Variants in SNTG1 observed in about 807,000 individuals in gnomAD.
The protein encoded by SNTG1 is syntrophin gamma 1.
SNTG1 carries 39 observed loss-of-function variants against 74.7 expected under a neutral mutation model. The ratio of observed to expected loss-of-function variants is 0.52; its 90% CI spans 0.40 to 0.68. The LOEUF is 0.68. Among genes scored for constraint, SNTG1 ranks in the 30% least tolerant of loss-of-function variants. SNTG1 has a pLI of 0.00. For missense variants in SNTG1, 685 were observed against 609.5 expected, an observed-to-expected ratio of 1.12 and a Z score of -1.30; for synonymous variants, 254 against 217.1, an observed-to-expected ratio of 1.17 and a Z score of -1.49.
At chr8:50,088,171 C>A (rs1416255059) in intron 1 of SNTG1, among the ~76,000 whole-genome samples, 9 of 151,578 alleles carry the variant, frequency 5.9e-5, no homozygotes, top group Non-Finnish European at 1.0e-4. Flanking sequence ...TTTCTTAATC[C>A]AGTGTATCAT....
At chr8:50,763,648 T>TTGTGTGTGTA (rs2095605320) in intron 18 of SNTG1, among the ~76,000 whole-genome samples, 1 of 117,096 alleles carries the variant, frequency 8.5e-6, no homozygotes, top group African/African-American at 3.3e-5. Context: ...ATTGCCTTTA[T>TTGTGTGTGTA]TGTGTGTGTG....
chr8:50,504,069 C>T (rs2093986312), intron 9 of SNTG1, among the ~76,000 whole-genome samples: 1 of 152,134 alleles, frequency 6.6e-6, no homozygotes, highest in South Asian at 2.1e-4. Context: ...ATAGCTCTCA[C>T]TTGTAAGTGA....
At position 50,271,253 on chromosome 8, in the gene SNTG1, T is replaced by A. The variant is rs558070844; in HGVS notation, c.-28+98618T>A. Among the ~76,000 whole-genome samples, 6 of 152,268 alleles carry A rather than the reference T, an allele frequency of 3.9e-5. No homozygotes were observed. In the East Asian group the frequency reaches 1.2e-3, roughly 29 times the overall value. On this transcript the variant is annotated intron_variant, in intron 2 of 18. Transcript: ENST00000642720. ...AAGATCCATTATTATGCCAACAAAT[T>A]TCGTGTAAGAATAATGATAGTGACA...
At chr8:50,160,964 G>C (rs1228047987) in intron 1 of SNTG1, among the ~76,000 whole-genome samples, 1 of 152,168 alleles carries the variant, frequency 6.6e-6, no homozygotes, top group Non-Finnish European at 1.5e-5. Context: ...CCACCAATGA[G>C]AGGGACCACT....
At chr8:50,761,803 G>C (rs1360287969) in intron 18 of SNTG1, among the ~76,000 whole-genome samples, 1 of 151,854 alleles carries the variant, frequency 6.6e-6, no homozygotes, top group Admixed American at 6.6e-5. Flanking sequence ...TTATAACTTA[G>C]TTTGACTTAG....
intron 1 of SNTG1, among the ~76,000 whole-genome samples, chr8:50,106,487 T>C (rs2080377526): frequency 6.6e-6 from 1 of 152,120 alleles, no homozygotes; most frequent in Admixed American, 6.6e-5. Context: ...CTCATCTTGT[T>C]CCAGTTCTCA....
intron 17 of SNTG1, among the ~76,000 whole-genome samples, chr8:50,730,291 G>A (rs778292609): frequency 1.3e-5 from 2 of 152,104 alleles, no homozygotes; most frequent in Non-Finnish European, 2.9e-5. Flanking sequence ...GAGGCCGAGG[G>A]GATGAAGGCA....
At position 49,957,072 on chromosome 8, in the gene SNTG1, T is replaced by A. The variant is rs559184212; in HGVS notation, c.-103+44841T>A. Among the ~76,000 whole-genome samples, 222 of 152,308 alleles carry A rather than the reference T, an allele frequency of 1.5e-3. 3 individuals are homozygous for A. Among genetic ancestry groups the A allele is most frequent in the African/African-American group, 5.1e-3 (214 of 41,570 alleles). The stretch of plus-strand genomic sequence containing the variant: ...TTACAAGATGAGTAAGTTAATTCAG[T>A]CTTTTAAGACAGCATGCTAAAAAGC... On this transcript the variant is annotated intron_variant, in intron 1 of 18. Coordinates refer to ENST00000642720, the MANE Select transcript of SNTG1 (RefSeq NM_018967.5).
chr8:50,362,810 A>C (rs1364324146), intron 2 of SNTG1, among the ~76,000 whole-genome samples: 3 of 152,158 alleles, frequency 2.0e-5, no homozygotes, highest in Non-Finnish European at 4.4e-5. Context: ...TCTGGGTGTT[A>C]AATAAGGCTT....
At position 50,397,891 on chromosome 8, in the gene SNTG1, T is replaced by C. The variant is rs566941003; in HGVS notation, c.27+3626T>C. ...TGTAAAGGCAGATGGTTGCGTTAATTTTTGTTAAGGGAGAAAAATAAATTA... is the reference window on the plus strand; with the variant it reads ...TGTAAAGGCAGATGGTTGCGTTAATCTTTGTTAAGGGAGAAAAATAAATTA... On this transcript the variant is annotated intron_variant, in intron 3 of 18. Coordinates refer to ENST00000642720, the MANE Select transcript of SNTG1 (RefSeq NM_018967.5). Among the ~76,000 whole-genome samples, 88 of 152,314 alleles carry C rather than the reference T, an allele frequency of 5.8e-4. 3 individuals carry two copies. Among genetic ancestry groups the C allele is most frequent in the Non-Finnish European group, 1.5e-5 (1 of 68,024 alleles).
chr8:50,400,670 T>C (rs1236529395), intron 3 of SNTG1, among the ~76,000 whole-genome samples: 5 of 152,232 alleles, frequency 3.3e-5, no homozygotes, highest in African/African-American at 1.2e-4. Flanking sequence ...TTGTTATTTT[T>C]TGTCTTTTTG....
intron 1 of SNTG1, among the ~76,000 whole-genome samples, chr8:49,938,146 A>T (rs929784077): frequency 6.6e-6 from 1 of 152,114 alleles, no homozygotes; most frequent in African/African-American, 2.4e-5. Context: ...CATGACCTTG[A>T]CTATTAACCT....
At chr8:50,402,776 C>T (rs1030281855) in intron 4 of SNTG1, among the ~76,000 whole-genome samples, 2 of 152,190 alleles carry the variant, frequency 1.3e-5, no homozygotes, top group Non-Finnish European at 2.9e-5. Flanking sequence ...GGTCACTGAA[C>T]TCAGCGTGAG....
chr8:50,773,715 C>G (rs887521678), intron 18 of SNTG1, among the ~76,000 whole-genome samples: 1 of 152,032 alleles, frequency 6.6e-6, no homozygotes. Context: ...ACATTGAAAA[C>G]ATTCTCAAAA....
intron 12 of SNTG1, among the ~76,000 whole-genome samples, chr8:50,570,221 T>C (rs1311297195): frequency 2.7e-5 from 1 of 37,076 alleles, no homozygotes; most frequent in Non-Finnish European, 6.4e-5. Flanking sequence ...CATATGGTGG[T>C]TCTATTTTTA....
chr8:50,294,903 G>A (rs1443623995), intron 2 of SNTG1, among the ~76,000 whole-genome samples: 3 of 152,126 alleles, frequency 2.0e-5, no homozygotes, highest in Non-Finnish European at 2.9e-5. Context: ...CCACTGTCCT[G>A]CCAATGGCTC....
At chr8:50,016,722 A>G (rs763796265) in intron 1 of SNTG1, among the ~76,000 whole-genome samples, 6 of 152,178 alleles carry the variant, frequency 3.9e-5, no homozygotes, top group Non-Finnish European at 7.4e-5. Context: ...TAAAATAAAC[A>G]TAAAATAAAC....
At chr8:50,141,578 C>T (rs1432175924) in intron 1 of SNTG1, among the ~76,000 whole-genome samples, 1 of 152,046 alleles carries the variant, frequency 6.6e-6, no homozygotes, top group African/African-American at 2.4e-5. Flanking sequence ...ATTATTTATC[C>T]ATTTAAAATG....
intron 17 of SNTG1, among the ~76,000 whole-genome samples, chr8:50,730,688 TA>T: frequency 6.6e-6 from 1 of 152,210 alleles, no homozygotes; most frequent in East Asian, 1.9e-4. Context: ...TAAGATGAAA[TA>T]AAAAGAATTT....
Sources: gnomAD v4.1 joint callset for allele counts (sites outside exome capture counted in the v4.1 genomes callset) on GRCh38, gnomAD v4.1.1 for gene constraint, MANE v1.5 for transcripts, NCBI Gene and HGNC (gene_info 2026-07-23, HGNC 2026-07-21) for gene names.